Variants in NRG1 observed in about 807,000 individuals in gnomAD.
NRG1 encodes neuregulin 1, also known as pro-neuregulin-1, membrane-bound isoform.
NRG1 carries 18 observed loss-of-function variants against 63.8 expected under a neutral mutation model. The ratio of observed to expected loss-of-function variants is 0.28; its 90% CI spans 0.19 to 0.42. The LOEUF (loss-of-function observed/expected upper bound fraction) is 0.42. Ranked by LOEUF, NRG1 falls within the 10% of genes least tolerant of loss-of-function variation. The probability of loss-of-function intolerance (pLI) is 1.00; values close to 1 mark genes in which losing one functional copy is unlikely to be tolerated. For missense variants in NRG1, 762 were observed against 814.7 expected, an observed-to-expected ratio of 0.94 and a Z score of 0.79; for synonymous variants, 302 against 301.3, an observed-to-expected ratio of 1.00 and a Z score of -0.02.
At chr8:32,426,260 C>T (rs1443557699) in intron 1 of NRG1, among the ~76,000 whole-genome samples, 1 of 151,970 alleles carries the variant, frequency 6.6e-6, no homozygotes, top group Non-Finnish European at 1.5e-5. Context: ...CATCAATGGC[C>T]GTAGGTTGCT....
intron 1 of NRG1, among the ~76,000 whole-genome samples, chr8:32,316,243 C>T (rs567695134): frequency 6.6e-6 from 1 of 152,152 alleles, no homozygotes; most frequent in South Asian, 2.1e-4. Flanking sequence ...ATTGGGAGGC[C>T]GAGGTGGGCA....
At chr8:31,867,892 T>C (rs1017176502) in intron 1 of NRG1, among the ~76,000 whole-genome samples, 10 of 152,146 alleles carry the variant, frequency 6.6e-5, no homozygotes, top group Non-Finnish European at 1.5e-4. Flanking sequence ...TTGACATACC[T>C]ATGTCACTGA....
chr8:32,117,475 C>A (rs1005512583), intron 1 of NRG1, among the ~76,000 whole-genome samples: 2 of 151,880 alleles, frequency 1.3e-5, no homozygotes, highest in Non-Finnish European at 2.9e-5. Flanking sequence ...CAGAAATGCC[C>A]CCCATTAACA....
chr8:32,219,678 A>G (rs1187520223), intron 1 of NRG1, among the ~76,000 whole-genome samples: 5 of 152,222 alleles, frequency 3.3e-5, no homozygotes, highest in Non-Finnish European at 7.3e-5. Flanking sequence ...TTAAAGAAAC[A>G]GTGAGTAAAG....
At chr8:31,996,297 G>A (rs1427930912) in intron 1 of NRG1, among the ~76,000 whole-genome samples, 1 of 151,880 alleles carries the variant, frequency 6.6e-6, no homozygotes, top group Admixed American at 6.6e-5. Context: ...ATGTCCAGTT[G>A]AAGTCTGGAA....
chr8:32,388,850 G>A (rs1811358260), intron 1 of NRG1, among the ~76,000 whole-genome samples: 1 of 152,088 alleles, frequency 6.6e-6, no homozygotes, highest in Non-Finnish European at 1.5e-5. Context: ...TGAGTTTCAT[G>A]TTAAGAAAAG....
At chr8:32,656,095 T>C (rs1051672602) in intron 5 of NRG1, among the ~76,000 whole-genome samples, 2 of 152,162 alleles carry the variant, frequency 1.3e-5, no homozygotes, top group African/African-American at 4.8e-5. Flanking sequence ...CCAAATCAAA[T>C]GTAGAAATTC....
chr8:31,809,124 C>T (rs1443756143), intron 1 of NRG1, among the ~76,000 whole-genome samples: 3 of 151,800 alleles, frequency 2.0e-5, no homozygotes, highest in Non-Finnish European at 4.4e-5. Context: ...GATATCTATA[C>T]CAATCTAATT....
rs1193673347 is a variant in NRG1 at position 31,764,663 on chromosome 8, G to T, written c.37+125232G>T. Among the ~76,000 whole-genome samples, 5 of 152,194 alleles carry T rather than the reference G, an allele frequency of 3.3e-5. No individual in the cohort carries two copies. The East Asian group carries it at 9.6e-4, about 29-fold the overall frequency. On this transcript the variant is annotated intron_variant, in intron 1 of 10. Coordinates refer to the NRG1 transcript ENST00000519301. ...GTTAAACTTGTAATGTCAATTATGGGAGAATTTACATGTTTTTTATGTAGT... is the reference window on the plus strand; with the variant it reads ...GTTAAACTTGTAATGTCAATTATGGTAGAATTTACATGTTTTTTATGTAGT...
rs1491410467 is a variant in NRG1, at chr8:32,344,418, CAT to C, written c.38-251409_38-251408del. Among the ~76,000 whole-genome samples the C allele has an allele frequency of 8.2e-3, 758 of 92,446 alleles. 68 individuals carry two copies. The highest frequency in any genetic ancestry group is 0.022 in the Middle Eastern group (4 of 178). The allele number at this position is 92,446 out of a possible 152,430, so 60.6% of individuals were successfully genotyped here. On this transcript the variant is annotated intron_variant, in intron 1 of 10. Transcript: ENST00000519301. ...TTTTTTGTGCATGCATGCGTGCATG[CAT>C]GTGTGTGTGTGTGTGTGTGTGTGTG...
chr8:32,263,710 G>GA (rs1282436663), intron 1 of NRG1, among the ~76,000 whole-genome samples: 1 of 152,086 alleles, frequency 6.6e-6, no homozygotes, highest in East Asian at 1.9e-4. Context: ...TGAAGCTTAG[G>GA]AAAAATTTCA....
intron 1 of NRG1, among the ~76,000 whole-genome samples, chr8:31,877,483 A>ATGTGTG (rs34418283): frequency 2.0e-5 from 3 of 150,814 alleles, no homozygotes; most frequent in African/African-American, 7.3e-5. Flanking sequence ...CCATGTATGT[A>ATGTGTG]TGTGTGTGTG....
chr8:32,767,389 TA>T (rs1221961649), exon 12 of NRG1: 1 of 152,194 alleles, frequency 6.6e-6, no homozygotes, highest in Non-Finnish European at 1.5e-5. Context: ...TATCTTGTAT[TA>T]ATAATACTGG....
At chr8:32,354,736 A>ATAAATAAT (rs1806122358) in intron 1 of NRG1, among the ~76,000 whole-genome samples, 1 of 150,560 alleles carries the variant, frequency 6.6e-6, no homozygotes, top group Non-Finnish European at 1.5e-5. Flanking sequence ...AAATAAATAA[A>ATAAATAAT]TAAATAAATA....
chr8:31,847,234 T>C (rs1159454482), intron 1 of NRG1, among the ~76,000 whole-genome samples: 2 of 152,230 alleles, frequency 1.3e-5, no homozygotes, highest in Non-Finnish European at 2.9e-5. Flanking sequence ...CAACAACATA[T>C]TAAATATCCT....
chr8:32,709,201 TGCA>T (rs1817196492), intron 5 of NRG1, among the ~76,000 whole-genome samples: 1 of 152,144 alleles, frequency 6.6e-6, no homozygotes, highest in Non-Finnish European at 1.5e-5. Flanking sequence ...ATGTTAATGG[TGCA>T]TTTGAAACTA....
At chr8:32,490,304 C>CA (rs35216278) in intron 1 of NRG1, among the ~76,000 whole-genome samples, 707 of 133,354 alleles carry the variant, frequency 5.3e-3, no homozygotes, top group African/African-American at 8.2e-3. Flanking sequence ...GACTCTGTCT[C>CA]AAAAAAAAAA....
intron 1 of NRG1, among the ~76,000 whole-genome samples, chr8:32,397,259 T>C (rs1261105390): frequency 7.2e-5 from 11 of 152,202 alleles, no homozygotes; most frequent in Non-Finnish European, 1.6e-4. Flanking sequence ...CCTGTTACTC[T>C]ATCTTGACCA....
chr8:32,195,623 T>C (rs1842881598), intron 1 of NRG1, among the ~76,000 whole-genome samples: 2 of 151,922 alleles, frequency 1.3e-5, no homozygotes, highest in Admixed American at 1.3e-4. Flanking sequence ...AGAAAATCTA[T>C]TAAAAGGAAA....
Sources: allele counts gnomAD v4.1 joint callset (sites outside exome capture counted in the v4.1 genomes callset), GRCh38; gene constraint gnomAD v4.1.1; transcripts MANE v1.5; gene names NCBI Gene and HGNC (gene_info 2026-07-23, HGNC 2026-07-21).